Variants in PRDM15 observed in about 807,000 individuals in gnomAD.
PRDM15 encodes PR domain zinc finger protein 15.
PRDM15 carries 64 observed loss-of-function variants against 128.6 expected under a neutral mutation model. The observed-to-expected ratio is 0.50, with a 90% CI of 0.41 to 0.61. The LOEUF (loss-of-function observed/expected upper bound fraction) is 0.61. Ranked by LOEUF, PRDM15 falls within the 20% of genes least tolerant of loss-of-function variation. The probability of loss-of-function intolerance (pLI) is 0.00; values close to 1 mark genes in which losing one functional copy is unlikely to be tolerated. For synonymous variants in PRDM15, 615 were observed against 621.8 expected (o/e 0.99, Z 0.16); for missense variants, 1,242 against 1,569.1 (o/e 0.79, Z 3.52).
chr21:41,874,526 T>TATATATA (rs370122401), intron 1 of PRDM15, among the ~76,000 whole-genome samples: 103 of 41,196 alleles, frequency 2.5e-3, no homozygotes, highest in African/African-American at 8.6e-3. Context: ...TATATATATA[T>TATATATA]TTTTTTTTTT....
At chr21:41,836,693 A>G in intron 8 of PRDM15, 44 bp from the exon 9 acceptor site, 1 of 1,537,310 alleles carries the variant, frequency 6.5e-7, no homozygotes, top group Non-Finnish European at 8.9e-7. Flanking sequence ...AGGTGGGAAA[A>G]AAGTTCCAGG....
In PRDM15 at chr21:41,854,086, T is replaced by C. The variant is rs1034873650; in HGVS notation, c.538+480A>G. ...AGACAGTGGTCCCATGAGATTCTAA[T>C]ACAGTATTTTTCCTCTATTACTTTG... On this transcript the variant is annotated intron_variant, in intron 5 of 23. Coordinates refer to ENST00000398548, the MANE Select transcript of PRDM15 (RefSeq NM_001040424.3). This position sits in a 1 kb window ranked among gnomAD's most constrained non-coding sequence, Gnocchi z 4.6. Among the ~76,000 whole-genome samples the C allele has an allele frequency of 2.0e-5, 3 of 152,206 alleles. No homozygotes were observed. In the South Asian group the frequency reaches 6.2e-4, roughly 32 times the overall value.
chr21:41,813,069 C>A (rs2061918130), intron 19 of PRDM15: 1 of 152,368 alleles, frequency 6.6e-6, no homozygotes, highest in Admixed American at 6.5e-5. Flanking sequence ...CAGGGGCAAG[C>A]AAGAATAGAG....
At chr21:41,878,975 G>A (rs1160645625) in intron 1 of PRDM15, 8 of 995,120 alleles carry the variant, frequency 8.0e-6, no homozygotes, top group East Asian at 1.1e-4. Context: ...GCCCGGCCAG[G>A]AGCGCCCGCG....
chr21:41,864,537 T>A (rs1181712942), intron 1 of PRDM15, among the ~76,000 whole-genome samples: 1 of 151,922 alleles, frequency 6.6e-6, no homozygotes, highest in Admixed American at 6.6e-5. Context: ...ACCTCCTACA[T>A]CTTAGGACGC....
intron 1 of PRDM15, chr21:41,861,737 A>G: frequency 6.2e-7 from 1 of 1,614,106 alleles, no homozygotes; most frequent in Non-Finnish European, 8.5e-7. Context: ...ACTCACAGTC[A>G]CTGAACTTGT....
In PRDM15 at chr21:41,808,111, G is replaced by T. The variant is rs547807813; in HGVS notation, c.2652+2043C>A. On this transcript the variant is annotated intron_variant, in intron 21 of 23. Coordinates refer to ENST00000398548, the MANE Select transcript of PRDM15 (RefSeq NM_001040424.3). ...TGATGTGCACCGTCTTTATCAATAC[G>T]CGGAAGTCTAGAAACCCACACGTCA... Among the ~76,000 whole-genome samples the T allele has an allele frequency of 1.5e-4, 23 of 152,302 alleles. No individual in the cohort carries two copies. The South Asian group carries it at 2.9e-3, about 19-fold the overall frequency.
At chr21:41,851,250 G>A (rs969917988) in intron 5 of PRDM15, among the ~76,000 whole-genome samples, 2 of 152,234 alleles carry the variant, frequency 1.3e-5, no homozygotes, top group Non-Finnish European at 2.9e-5. Context: ...AGTCCTTCAC[G>A]TATCCAGTCT....
chr21:41,805,700 C>T (rs919134673), intron 21 of PRDM15, among the ~76,000 whole-genome samples: 6 of 151,872 alleles, frequency 4.0e-5, no homozygotes, highest in African/African-American at 1.5e-4. Context: ...CACTCTCTAC[C>T]GTCACCACCA....
At position 41,839,652 on chromosome 21, in the gene PRDM15, A is replaced by G. The variant is rs150711353; in HGVS notation, c.842T>C (p.Leu281Pro). The change falls in exon 7 of 24, where the codon CTA becomes CCA. Residue 281 changes from leucine (L) to proline (P), a missense_variant. By Grantham distance (98) the Leu-to-Pro change is moderately conservative. Coordinates refer to ENST00000398548, the MANE Select transcript of PRDM15 (RefSeq NM_001040424.3). ...KPKVSKAEQP[L>P]VIVEDKEPTE... is the part of the protein sequence containing the mutation. Reference sequence around the variant, plus strand: ...GGGTTCCTTGTCTTCCACGATGACTAGAGGCTGCTCAGCTTTGGACACTTT... The same window carrying G: ...GGGTTCCTTGTCTTCCACGATGACTGGAGGCTGCTCAGCTTTGGACACTTT... 7.7e-5 allele frequency: 124 copies of G among 1,614,210 alleles called. No homozygotes were observed. In the African/African-American group the frequency reaches 1.5e-3, roughly 20 times the overall value.
In PRDM15 at chr21:41,839,788, C is replaced by T; in HGVS notation, c.706G>A (p.Ala236Thr). Residue 236 changes from alanine to threonine, a missense_variant, in exon 7 of 24, where the codon GCT (alanine) becomes ACT (threonine). This residue lies in a region of PRDM15 where 612 missense variants were observed against 717.0 expected (regional missense o/e 0.85). Transcript: ENST00000398548. ...GGTGTGTCCTGCTCCTTCTCGGGAG[C>T]TGCTGCCTCGCTTTGGCTGCCTGGA... ...LPPGSQSEAA[A>T]PEKEQDTPRG... 1 of 1,614,256 alleles carries T rather than the reference C, an allele frequency of 6.2e-7. No homozygotes were observed. Among genetic ancestry groups the T allele is most frequent in the Non-Finnish European group, 8.5e-7 (1 of 1,180,048 alleles).
At chr21:41,869,634 CG>C (rs1173898166) in intron 1 of PRDM15, among the ~76,000 whole-genome samples, 3 of 152,008 alleles carry the variant, frequency 2.0e-5, no homozygotes, top group Non-Finnish European at 4.4e-5. Flanking sequence ...TTAGTAGAGA[CG>C]GGGTTTCTCC....
At chr21:41,829,242 C>A (rs1009188042) in intron 11 of PRDM15, among the ~76,000 whole-genome samples, 43 of 147,392 alleles carry the variant, frequency 2.9e-4, no homozygotes, top group African/African-American at 1.0e-3. Context: ...TATGCAAATA[C>A]ATACACACCC....
chr21:41,872,214 T>C (rs922348804), intron 1 of PRDM15, among the ~76,000 whole-genome samples: 2 of 152,194 alleles, frequency 1.3e-5, no homozygotes, highest in Non-Finnish European at 2.9e-5. Flanking sequence ...AGGGCGGCCA[T>C]TCAAGCCTCT....
At position 41,811,084 on chromosome 21, in the gene PRDM15, A is replaced by T. The variant is rs899061839; in HGVS notation, c.2393-248T>A. The T allele has an allele frequency of 3.9e-5, 19 of 486,978 alleles. No homozygotes were observed. The highest frequency in any genetic ancestry group is 6.7e-5 in the Non-Finnish European group (18 of 268,166). The allele number at this position is 486,978 out of a possible 1,614,324, so 30.2% of individuals were successfully genotyped here. On this transcript the variant is annotated intron_variant, in intron 19 of 23. Transcript: ENST00000398548. This position sits in a 1 kb window ranked among gnomAD's most constrained non-coding sequence, Gnocchi z 4.1. ...GAGATGTGGGAAAGGCTGTCTGAAA[A>T]CACAGACAGAAAGTGGAACCCACAT...
chr21:41,826,163 C>T (rs1318555557), intron 12 of PRDM15, 109 bp from the exon 13 acceptor site: 10 of 846,246 alleles, frequency 1.2e-5, no homozygotes, highest in Non-Finnish European at 2.0e-5. Context: ...GAGGACAGGG[C>T]TGCCCACAGT....
intron 5 of PRDM15, among the ~76,000 whole-genome samples, chr21:41,851,551 A>AGT (rs375202208): frequency 9.9e-5 from 15 of 152,132 alleles, no homozygotes; most frequent in South Asian, 4.1e-4. Context: ...GGTGAGAGGC[A>AGT]GTGTGTGTGT....
Position 41,799,854 on chromosome 21 carries a change from T to G in PRDM15, c.*1386A>C, listed in dbSNP as rs553074294. 9.8e-5 allele frequency: 15 copies of G among 152,574 alleles called. No homozygotes were observed. The highest frequency in any genetic ancestry group is 3.6e-4 in the African/African-American group (15 of 41,548). 9.5% of individuals were successfully genotyped at this position (152,574 alleles called of 1,614,324 possible). ...GCCACAAACAGAGTACCAGGAAAGTTAAGAGCAAACTTCTCCCCACACCTC... is the reference window on the plus strand; with the variant it reads ...GCCACAAACAGAGTACCAGGAAAGTGAAGAGCAAACTTCTCCCCACACCTC... On this transcript the variant is annotated 3_prime_UTR_variant, in exon 24 of 24. Coordinates refer to ENST00000398548, the MANE Select transcript of PRDM15 (RefSeq NM_001040424.3).
At chr21:41,873,422 T>C (rs189481284) in intron 1 of PRDM15, among the ~76,000 whole-genome samples, 19 of 152,366 alleles carry the variant, frequency 1.2e-4, no homozygotes, top group African/African-American at 2.4e-5. Context: ...AAGGACTCCA[T>C]GGTCCGTCAG....
Sources: gnomAD v4.1 joint callset for allele counts (sites outside exome capture counted in the v4.1 genomes callset) on GRCh38, gnomAD v4.1.1 for gene constraint, gnomAD v4.1.1 regional missense constraint, Gnocchi (gnomAD v3.1) non-coding constraint, MANE v1.5 for transcripts, NCBI Gene and HGNC (gene_info 2026-07-23, HGNC 2026-07-21) for gene names.